SLC5A4: variants seen among roughly 807,000 people sequenced by gnomAD.
The protein encoded by SLC5A4 is solute carrier family 5 member 4.
A neutral mutation model predicts 70.3 loss-of-function variants in SLC5A4; 55 were observed. That is an observed-to-expected ratio of 0.78 (90% confidence interval 0.63 to 0.98). SLC5A4 has a LOEUF of 0.98. SLC5A4 is among the 50% of genes least tolerant of loss of function. The pLI is 0.00. For synonymous variants in SLC5A4, 268 were observed against 305.7 expected (o/e 0.88, Z 1.29); for missense variants, 735 against 839.2 (o/e 0.88, Z 1.53).
the SLC5A4 span, among the ~76,000 whole-genome samples, chr22:32,261,298 C>G: frequency 6.6e-6 from 1 of 152,198 alleles, no homozygotes; most frequent in Admixed American, 6.5e-5. Context: ...CTTAAGCTGC[C>G]CACTCCTTAC....
chr22:32,260,544 A>C, the SLC5A4 span, among the ~76,000 whole-genome samples: 1 of 151,818 alleles, frequency 6.6e-6, no homozygotes, highest in Non-Finnish European at 1.5e-5. Flanking sequence ...AAAAACAAAA[A>C]CCCACAAATC....
Position 32,247,425 on chromosome 22 carries a change from C to A in SLC5A4, c.463G>T (p.Val155Phe). The A allele has an allele frequency of 6.2e-7, 1 of 1,611,988 alleles. No individual in the cohort carries two copies. The highest frequency in any genetic ancestry group is 1.1e-5 in the South Asian group (1 of 91,034). The change falls in exon 5 of 15, where the codon GTT becomes TTT. Residue 155 changes from valine (V) to phenylalanine (F), a missense_variant. Coordinates refer to ENST00000266086, the MANE Select transcript of SLC5A4 (RefSeq NM_014227.3). The stretch of plus-strand genomic sequence containing the variant: ...TCTGAACTCACAGAAATTAACAAAA[C>A]CACACAGATGAAGAGGGAGAGGATG... ...LSILSLFICVVLLISADIFAG... is the reference protein window; with the variant it reads ...LSILSLFICVFLLISADIFAG...
chr22:32,259,416 T>G (rs920838837), upstream of SLC5A4, among the ~76,000 whole-genome samples: 2 of 152,220 alleles, frequency 1.3e-5, no homozygotes, highest in African/African-American at 4.8e-5. Flanking sequence ...GTTGATTGTT[T>G]TTTATCCAAA....
the SLC5A4 span, among the ~76,000 whole-genome samples, chr22:32,349,428 C>A: frequency 6.6e-6 from 1 of 152,208 alleles, no homozygotes; most frequent in Non-Finnish European, 1.5e-5. Context: ...GCTAACTCCA[C>A]CTGTCCCAGG....
the SLC5A4 span, among the ~76,000 whole-genome samples, chr22:32,288,709 G>T: frequency 6.6e-6 from 1 of 151,930 alleles, no homozygotes; most frequent in Non-Finnish European, 1.5e-5. Context: ...ACCACGCCTG[G>T]ATAATTTTTT....
the SLC5A4 span, among the ~76,000 whole-genome samples, chr22:32,347,499 T>C: frequency 6.6e-6 from 1 of 151,914 alleles, no homozygotes. Flanking sequence ...ATGTGACACA[T>C]ATACACCATG....
chr22:32,239,777 C>T (rs1281030255), intron 5 of SLC5A4, among the ~76,000 whole-genome samples: 1 of 148,698 alleles, frequency 6.7e-6, no homozygotes, highest in African/African-American at 2.5e-5. Context: ...GGAATCCCAG[C>T]ACTTTGGGAG....
At chr22:32,327,468 T>G in the SLC5A4 span, 1 of 152,330 alleles carries the variant, frequency 6.6e-6, no homozygotes, top group Admixed American at 6.5e-5. Context: ...ATGACTCCAT[T>G]TTACAGTTGG....
intron 6 of SLC5A4, among the ~76,000 whole-genome samples, chr22:32,237,777 G>GAAC (rs962272899): frequency 2.6e-5 from 4 of 151,846 alleles, no homozygotes; most frequent in Non-Finnish European, 5.9e-5. Context: ...CTGTAGTGTT[G>GAAC]AACAACAACA....
intron 13 of SLC5A4, among the ~76,000 whole-genome samples, chr22:32,223,084 T>G (rs1925179682): frequency 6.6e-6 from 1 of 152,162 alleles, no homozygotes; most frequent in Non-Finnish European, 1.5e-5. Context: ...ATTTTTCCAC[T>G]TAACCATATT....
At chr22:32,343,076 T>C in the SLC5A4 span, 1 of 152,260 alleles carries the variant, frequency 6.6e-6, no homozygotes, top group Non-Finnish European at 1.5e-5. Context: ...GGCCTTCTAA[T>C]ACTCTCTCAT....
chr22:32,324,349 T>A, the SLC5A4 span, among the ~76,000 whole-genome samples: 3 of 151,462 alleles, frequency 2.0e-5, no homozygotes, highest in South Asian at 2.1e-4. Context: ...AATGACTTTT[T>A]AAAAAAAACA....
At chr22:32,329,190 G>T in the SLC5A4 span, among the ~76,000 whole-genome samples, 1 of 151,936 alleles carries the variant, frequency 6.6e-6, no homozygotes, top group Non-Finnish European at 1.5e-5. Flanking sequence ...CTCTGGCCCA[G>T]CCTTGCCATT....
chr22:32,286,009 T>G, the SLC5A4 span, among the ~76,000 whole-genome samples: 1 of 152,212 alleles, frequency 6.6e-6, no homozygotes, highest in Non-Finnish European at 1.5e-5. Context: ...GTGCTGTGAT[T>G]ACAGGCGTGA....
chr22:32,306,770 C>G, the SLC5A4 span, among the ~76,000 whole-genome samples: 2 of 152,334 alleles, frequency 1.3e-5, no homozygotes, highest in East Asian at 1.9e-4. Context: ...TGCAGCCCCC[C>G]ACCTCGTTAC....
the SLC5A4 span, among the ~76,000 whole-genome samples, chr22:32,349,917 A>G: frequency 2.6e-5 from 4 of 152,164 alleles, no homozygotes; most frequent in African/African-American, 9.7e-5. Context: ...AACCTTCTTT[A>G]CCATAAATAC....
intron 9 of SLC5A4, 25 bp downstream of exon 9, chr22:32,232,874 G>C: frequency 6.3e-7 from 1 of 1,590,312 alleles, no homozygotes; most frequent in Non-Finnish European, 8.6e-7. Flanking sequence ...TAAAAAAAGA[G>C]AGAACATACG....
chr22:32,251,149 C>CAAAAAAAAAAAAAAAAAAAAAAAAAAAA (rs1169115054), intron 3 of SLC5A4, among the ~76,000 whole-genome samples: 3 of 22,768 alleles, frequency 1.3e-4, no homozygotes, highest in Non-Finnish European at 1.7e-4. Context: ...AACAAATAAG[C>CAAAAAAAAAAAAAAAAAAAAAAAAAAAA]AAAAAAAAAA....
At chr22:32,311,133 G>A in the SLC5A4 span, among the ~76,000 whole-genome samples, 1 of 152,152 alleles carries the variant, frequency 6.6e-6, no homozygotes, top group Non-Finnish European at 1.5e-5. Context: ...GACCACCCCA[G>A]GTCCACGAGG....
Sources: gnomAD v4.1 joint callset for allele counts (sites outside exome capture counted in the v4.1 genomes callset) on GRCh38, gnomAD v4.1.1 for gene constraint, MANE v1.5 for transcripts, NCBI Gene and HGNC (gene_info 2026-07-23, HGNC 2026-07-21) for gene names.